Variants in ACSL3 observed in about 807,000 individuals in gnomAD.
ACSL3 encodes acyl-CoA synthetase long chain family member 3.
A neutral mutation model predicts 84.7 loss-of-function variants in ACSL3; 34 were observed. That is an observed-to-expected ratio of 0.40 (90% CI 0.31 to 0.53). ACSL3 has a LOEUF of 0.53. Among genes scored for constraint, ACSL3 ranks in the 20% least tolerant of loss-of-function variants. ACSL3 has a pLI of 0.48. For missense variants in ACSL3, 680 were observed against 873.1 expected (o/e 0.78, Z 2.79); for synonymous variants, 315 against 299.4 (o/e 1.05, Z -0.54).
Position 222,944,260 on chromosome 2 carries a change from T to A in ACSL3, c.*2606T>A, listed in dbSNP as rs1697403245. Reference sequence around the variant, plus strand: ...AATAGATTAACCTGGAATAACTTACTTGTTTGCTGCTAAAATACTCAAGAT... The same window carrying A: ...AATAGATTAACCTGGAATAACTTACATGTTTGCTGCTAAAATACTCAAGAT... On this transcript the variant is annotated 3_prime_UTR_variant, in exon 17 of 17. Transcript: ENST00000357430. The A allele has an allele frequency of 6.6e-6, 1 of 152,178 alleles. No homozygotes were observed. Among genetic ancestry groups the A allele is most frequent in the South Asian group, 2.1e-4 (1 of 4,834 alleles). 9.4% of individuals were successfully genotyped at this position (152,178 alleles called of 1,614,324 possible).
At chr2:222,867,298 A>G (rs1340410377) in intron 1 of ACSL3, among the ~76,000 whole-genome samples, 2 of 152,182 alleles carry the variant, frequency 1.3e-5, no homozygotes, top group African/African-American at 4.8e-5. Context: ...TAAAATATTG[A>G]CGCACTTTCT....
intron 11 of ACSL3, among the ~76,000 whole-genome samples, chr2:222,926,599 A>G (rs1230011604): frequency 6.6e-6 from 1 of 152,246 alleles, no homozygotes; most frequent in East Asian, 1.9e-4. Context: ...ATTGTGGTAT[A>G]CAAATTATAC....
intron 14 of ACSL3, among the ~76,000 whole-genome samples, chr2:222,932,479 C>G (rs1015141877): frequency 6.6e-6 from 1 of 152,132 alleles, no homozygotes; most frequent in Non-Finnish European, 1.5e-5. Flanking sequence ...CAGGTGTGCA[C>G]CACCACGCCC....
At chr2:222,928,568 C>T (rs1214183648) in intron 12 of ACSL3, among the ~76,000 whole-genome samples, 1 of 151,884 alleles carries the variant, frequency 6.6e-6, no homozygotes, top group Non-Finnish European at 1.5e-5. Flanking sequence ...TTCTGCTGTA[C>T]CTGAAATGTG....
At chr2:222,874,191 T>G in intron 1 of ACSL3, among the ~76,000 whole-genome samples, 1 of 151,962 alleles carries the variant, frequency 6.6e-6, no homozygotes, top group Non-Finnish European at 1.5e-5. Context: ...CCCGGCTCAT[T>G]TTTTTGTATT....
chr2:222,874,771 A>G (rs949966784), intron 1 of ACSL3, among the ~76,000 whole-genome samples: 6 of 152,116 alleles, frequency 3.9e-5, no homozygotes, highest in Admixed American at 2.6e-4. Context: ...TGCTTATTGG[A>G]TATATCCTGC....
chr2:222,897,614 C>CA (rs1266370187), intron 2 of ACSL3, among the ~76,000 whole-genome samples: 1 of 35,172 alleles, frequency 2.8e-5, no homozygotes, highest in Non-Finnish European at 4.4e-5. Flanking sequence ...CACGCCACTG[C>CA]ACTCCAGCCT....
intron 16 of ACSL3, among the ~76,000 whole-genome samples, chr2:222,940,379 A>G (rs1315450917): frequency 3.9e-5 from 6 of 152,182 alleles, no homozygotes; most frequent in Admixed American, 6.5e-5. Flanking sequence ...TCTCCTGGAT[A>G]CCAGGCTCTA....
chr2:222,908,041 G>C (rs1433214407), intron 3 of ACSL3, among the ~76,000 whole-genome samples: 3 of 152,150 alleles, frequency 2.0e-5, no homozygotes, highest in Non-Finnish European at 4.4e-5. Context: ...CCCAGTGAAC[G>C]TGTAGGTTGC....
intron 2 of ACSL3, among the ~76,000 whole-genome samples, chr2:222,898,863 AAAG>A (rs1208360169): frequency 2.0e-5 from 3 of 152,168 alleles, no homozygotes; most frequent in African/African-American, 7.2e-5. Context: ...CAAAACAAAA[AAAG>A]AAGCATTGCT....
intron 9 of ACSL3, 51 bp from the exon 10 acceptor site, chr2:222,923,027 A>G: frequency 6.8e-7 from 1 of 1,479,764 alleles, no homozygotes; most frequent in Non-Finnish European, 9.3e-7. Context: ...ATACCATTGA[A>G]TTTTAAAAAT....
chr2:222,924,168 T>TA (rs759766554), intron 10 of ACSL3, among the ~76,000 whole-genome samples: 2 of 152,360 alleles, frequency 1.3e-5, no homozygotes, highest in Admixed American at 6.5e-5. Context: ...AAGAATATCT[T>TA]ACAATTTATA....
intron 2 of ACSL3, among the ~76,000 whole-genome samples, chr2:222,898,726 C>T (rs1168762186): frequency 6.6e-6 from 1 of 152,164 alleles, no homozygotes; most frequent in African/African-American, 2.4e-5. Context: ...ACTCGGGAGG[C>T]TGAGGCAGGA....
intron 15 of ACSL3, among the ~76,000 whole-genome samples, chr2:222,934,049 TAGTC>T (rs747046059): frequency 2.0e-5 from 3 of 152,342 alleles, no homozygotes; most frequent in Admixed American, 1.3e-4. Context: ...TCGTTGGGCA[TAGTC>T]AGAGTTCCTC....
chr2:222,910,449 C>T (rs191915782), intron 4 of ACSL3, among the ~76,000 whole-genome samples: 21 of 152,202 alleles, frequency 1.4e-4, no homozygotes, highest in African/African-American at 3.9e-4. Flanking sequence ...ACAAGGAAAC[C>T]GTCAACTCTT....
intron 15 of ACSL3, among the ~76,000 whole-genome samples, chr2:222,934,274 G>A (rs375336629): frequency 1.3e-5 from 2 of 152,250 alleles, no homozygotes; most frequent in Admixed American, 6.5e-5. Flanking sequence ...ATTCATAACA[G>A]TTTTTCATAG....
chr2:222,881,115 C>A (rs1009027381), intron 1 of ACSL3, among the ~76,000 whole-genome samples: 1 of 152,176 alleles, frequency 6.6e-6, no homozygotes, highest in African/African-American at 2.4e-5. Flanking sequence ...TTCTAGTAGG[C>A]AATTGATTTC....
chr2:222,870,663 T>G (rs936081229), intron 1 of ACSL3, among the ~76,000 whole-genome samples: 1 of 152,012 alleles, frequency 6.6e-6, no homozygotes, highest in Non-Finnish European at 1.5e-5. Context: ...ACATTCCAGG[T>G]AGAGCTAACA....
chr2:222,937,521 C>T (rs2106144319), intron 16 of ACSL3, among the ~76,000 whole-genome samples: 1 of 152,040 alleles, frequency 6.6e-6, no homozygotes, highest in South Asian at 2.1e-4. Context: ...TTATATCATC[C>T]TGGAGAATTG....
Sources: allele counts gnomAD v4.1 joint callset (sites outside exome capture counted in the v4.1 genomes callset), GRCh38; gene constraint gnomAD v4.1.1; transcripts MANE v1.5; gene names NCBI Gene and HGNC (gene_info 2026-07-23, HGNC 2026-07-21).